LDLRAD4: variants seen among roughly 807,000 people sequenced by gnomAD.
LDLRAD4 encodes low density lipoprotein receptor class A domain containing 4, also known as low-density lipoprotein receptor class A domain-containing protein 4.
Under a neutral mutation model 17.0 loss-of-function variants are expected in LDLRAD4, and 5 were observed. That is an observed-to-expected ratio of 0.29 (90% confidence interval 0.15 to 0.62). LDLRAD4 has a LOEUF of 0.62. LDLRAD4 is among the 20% of genes least tolerant of loss of function. The probability of loss-of-function intolerance (pLI) is 0.84; values close to 1 mark genes in which losing one functional copy is unlikely to be tolerated. For synonymous variants in LDLRAD4, 168 were observed against 171.8 expected (o/e 0.98, Z 0.17); for missense variants, 340 against 424.7 (o/e 0.80, Z 1.75).
intron 3 of LDLRAD4, among the ~76,000 whole-genome samples, chr18:13,466,531 GA>G (rs1284646219): frequency 5.6e-5 from 8 of 143,552 alleles, no homozygotes; most frequent in African/African-American, 1.8e-4. Flanking sequence ...TAGAATGAAA[GA>G]AAAAAAATGA....
At chr18:13,340,118 A>T (rs2082296863) in intron 1 of LDLRAD4, among the ~76,000 whole-genome samples, 1 of 152,200 alleles carries the variant, frequency 6.6e-6, no homozygotes, top group Admixed American at 6.5e-5. Context: ...TTTAAGGCTG[A>T]ATGAAAACTC....
intron 3 of LDLRAD4, among the ~76,000 whole-genome samples, chr18:13,586,755 G>A (rs1938628517): frequency 6.6e-6 from 1 of 151,934 alleles, no homozygotes; most frequent in African/African-American, 2.4e-5. Flanking sequence ...AGGCATGGTG[G>A]CGCACACCTG....
intron 3 of LDLRAD4, among the ~76,000 whole-genome samples, chr18:13,567,189 C>A (rs9958575): frequency 0.22 from 33,696 of 152,172 alleles, 4,232 homozygotes; most frequent in East Asian, 0.34. Context: ...TTAACTATGA[C>A]GTGCATGTGC....
chr18:13,408,930 TA>T (rs1164825912), intron 2 of LDLRAD4, among the ~76,000 whole-genome samples: 1 of 152,214 alleles, frequency 6.6e-6, no homozygotes, highest in Non-Finnish European at 1.5e-5. Flanking sequence ...GGTTACTTTT[TA>T]AGCAATGGAA....
chr18:13,481,752 G>C (rs1785116), intron 3 of LDLRAD4, among the ~76,000 whole-genome samples: 8,193 of 152,324 alleles, frequency 0.054, 296 homozygotes, highest in East Asian at 0.12. Flanking sequence ...AGGCAGGGCA[G>C]CCATGTTCTG....
chr18:13,252,642 C>G (rs1450632372), intron 1 of LDLRAD4, among the ~76,000 whole-genome samples: 1 of 152,166 alleles, frequency 6.6e-6, no homozygotes, highest in African/African-American at 2.4e-5. Context: ...TGGTGCCCCC[C>G]ACCATACTGG....
chr18:13,438,370 C>A (rs202231144), exon 3 of LDLRAD4: 1 of 1,613,966 alleles, frequency 6.2e-7, no homozygotes. Context: ...CACCCGCCTC[C>A]GGGCATCTTC....
intron 1 of LDLRAD4, among the ~76,000 whole-genome samples, chr18:13,386,559 A>G (rs1396969078): frequency 2.0e-5 from 3 of 152,108 alleles, no homozygotes; most frequent in African/African-American, 7.2e-5. Context: ...CAGTAGAGAC[A>G]GGGTTTCTCC....
chr18:13,375,950 T>C (rs966700836), intron 1 of LDLRAD4, among the ~76,000 whole-genome samples: 6 of 152,196 alleles, frequency 3.9e-5, no homozygotes. Context: ...GGTGATTGCC[T>C]GGGGTATTGG....
chr18:13,434,541 T>A (rs149070165), intron 2 of LDLRAD4, among the ~76,000 whole-genome samples: 83 of 152,288 alleles, frequency 5.5e-4, no homozygotes, highest in African/African-American at 1.9e-3. Flanking sequence ...CTCAACAAGT[T>A]CCACAAAGAA....
rs1466637519 is a variant in LDLRAD4 at position 13,578,324 on chromosome 18, A to G, written c.182-42793A>G. On this transcript the variant is annotated intron_variant, in intron 3 of 5. Coordinates refer to ENST00000359446, the Ensembl canonical transcript of LDLRAD4. ...TATTTTCTAATTTTAACTGTTATTT[A>G]TATTCCCCTGGAACACCTTGAAATT... Among the ~76,000 whole-genome samples, 6 of 152,196 alleles carry G rather than the reference A, an allele frequency of 3.9e-5. No homozygotes were observed. In the East Asian group the frequency reaches 1.2e-3, roughly 29 times the overall value.
chr18:13,508,666 C>A (rs2093731754), intron 3 of LDLRAD4, among the ~76,000 whole-genome samples: 1 of 152,084 alleles, frequency 6.6e-6, no homozygotes, highest in South Asian at 2.1e-4. Flanking sequence ...GTATTTTTAG[C>A]CCACTGTTGA....
chr18:13,386,820 G>T (rs2085843913), intron 1 of LDLRAD4, among the ~76,000 whole-genome samples: 1 of 152,192 alleles, frequency 6.6e-6, no homozygotes, highest in Admixed American at 6.5e-5. Context: ...GGGAGGCCAA[G>T]CCCTTTGTGA....
intron 1 of LDLRAD4, among the ~76,000 whole-genome samples, chr18:13,329,064 A>G (rs1481357499): frequency 2.0e-5 from 3 of 152,184 alleles, no homozygotes; most frequent in African/African-American, 7.2e-5. Flanking sequence ...GATACACCAG[A>G]TTTTTTAACC....
chr18:13,546,228 CAAGGGGT>C, intron 3 of LDLRAD4, among the ~76,000 whole-genome samples: 1 of 152,160 alleles, frequency 6.6e-6, no homozygotes, highest in East Asian at 1.9e-4. Flanking sequence ...AGTGGAAGGT[CAAGGGGT>C]AAGGGAGGGG....
At position 13,421,047 on chromosome 18, in the gene LDLRAD4, C is replaced by G. The variant is rs1014544641; in HGVS notation, c.41-17197C>G. 83 of 152,258 alleles carry G rather than the reference C, an allele frequency of 5.5e-4. 2 individuals carry two copies. Among genetic ancestry groups the G allele is most frequent in the Non-Finnish European group, 8.8e-5 (6 of 68,080 alleles). 9.4% of individuals were successfully genotyped at this position (152,258 alleles called of 1,614,324 possible). On this transcript the variant is annotated intron_variant, in intron 2 of 5. Coordinates refer to ENST00000359446, the Ensembl canonical transcript of LDLRAD4. ...CCAGGGACGCTGAGCAAAATAGTCA[C>G]GGCTCCTTAAAAGCAGGGAGAACAT... is the stretch of plus-strand genomic sequence containing the variant.
chr18:13,256,550 A>G (rs905173317), intron 1 of LDLRAD4, among the ~76,000 whole-genome samples: 3 of 152,224 alleles, frequency 2.0e-5, no homozygotes, highest in African/African-American at 4.8e-5. Flanking sequence ...TTGCTTCGAG[A>G]TCAGTATTGT....
intron 1 of LDLRAD4, among the ~76,000 whole-genome samples, chr18:13,248,713 T>C (rs1278550350): frequency 1.3e-5 from 2 of 152,248 alleles, no homozygotes; most frequent in Non-Finnish European, 2.9e-5. Context: ...CAGATCAGGG[T>C]AATTAGCATC....
intron 1 of LDLRAD4, among the ~76,000 whole-genome samples, chr18:13,273,084 A>G (rs2044657308): frequency 6.6e-6 from 1 of 152,224 alleles, no homozygotes; most frequent in South Asian, 2.1e-4. Flanking sequence ...ATGATGTGAC[A>G]CTGTCCCTGA....
Sources: gnomAD v4.1 joint callset for allele counts (sites outside exome capture counted in the v4.1 genomes callset) on GRCh38, gnomAD v4.1.1 for gene constraint, MANE v1.5 for transcripts, NCBI Gene and HGNC (gene_info 2026-07-23, HGNC 2026-07-21) for gene names.